The following DUSP15 variants were observed in gnomAD, a reference collection of about 807,000 sequenced individuals.
DUSP15 encodes dual specificity protein phosphatase 15.
In DUSP15, 23 loss-of-function variants were observed where a neutral mutation model predicts 26.3. That is an observed-to-expected ratio of 0.87 (90% CI 0.63 to 1.24). DUSP15 has a LOEUF of 1.24. Among genes scored for constraint, DUSP15 ranks in the 50% most tolerant of loss-of-function variants. The pLI is 0.00. For synonymous variants in DUSP15, 143 were observed against 135.5 expected (o/e 1.06, Z -0.39); for missense variants, 364 against 320.6 (o/e 1.14, Z -1.03).
chr20:31,868,138 A>AT (rs1158695904), intron 2 of DUSP15, among the ~76,000 whole-genome samples: 1 of 152,192 alleles, frequency 6.6e-6, no homozygotes, highest in Non-Finnish European at 1.5e-5. Flanking sequence ...CCACTTCCTC[A>AT]TTCGATGAGC....
chr20:31,845,634 G>A, downstream of DUSP15: 1 of 1,480,504 alleles, frequency 6.8e-7, no homozygotes, highest in Non-Finnish European at 9.1e-7. Flanking sequence ...CTGGTTAAAA[G>A]GTCCACTGGC....
At chr20:31,850,003 C>T in intron 7 of DUSP15, 1 of 1,099,864 alleles carries the variant, frequency 9.1e-7, no homozygotes, top group Non-Finnish European at 1.2e-6. Flanking sequence ...ATTTTGGGTG[C>T]TCTCTCCCTA....
At chr20:31,857,781 A>G (rs2062585361), downstream of DUSP15, among the ~76,000 whole-genome samples, 1 of 152,146 alleles carries the variant, frequency 6.6e-6, no homozygotes, top group South Asian at 2.1e-4. Context: ...ATGACTGGGG[A>G]AAGGAGGGAC....
chr20:31,848,576 G>A (rs757941049), intron 9 of DUSP15: 28 of 1,560,216 alleles, frequency 1.8e-5, no homozygotes, highest in African/African-American at 2.8e-5. Flanking sequence ...CTGCGGGGGC[G>A]GGTGGGGCGA....
upstream of DUSP15, chr20:31,870,639 G>A: frequency 7.6e-7 from 1 of 1,308,556 alleles, no homozygotes; most frequent in Non-Finnish European, 9.8e-7. The surrounding 1 kb of genome is among the most constrained non-coding windows in gnomAD (Gnocchi z 6.6). Flanking sequence ...GCCCCAGTGT[G>A]CCGGGCCCAC....
rs928045865 is a variant in DUSP15 at position 31,865,146 on chromosome 20, A to C, written c.139-144T>G. The C allele has an allele frequency of 7.0e-6, 6 of 859,808 alleles. No homozygotes were observed. The African/African-American group carries it at 1.0e-4, about 15-fold the overall frequency. The allele number at this position is 859,808 out of a possible 1,614,324, so 53.3% of individuals were successfully genotyped here. A position where few individuals can be genotyped will look rare whatever the true frequency, so the allele number is the denominator to read the frequency against. On this transcript the variant is annotated intron_variant, in intron 3 of 6. Transcript: ENST00000339738. Reference sequence around the variant, plus strand: ...GTGGTCCTCTCTGTCCAAAGAAAGTAGTTGTCATCTCTGAGGCCTCCCAGC... The same window carrying C: ...GTGGTCCTCTCTGTCCAAAGAAAGTCGTTGTCATCTCTGAGGCCTCCCAGC...
chr20:31,865,065 G>A lies in DUSP15; in HGVS notation c.139-63C>T, dbSNP rs553052605. 3.6e-5 allele frequency: 57 copies of A among 1,582,620 alleles called. No homozygotes were observed. The Middle Eastern group carries it at 1.2e-3, about 33-fold the overall frequency. On this transcript the variant is annotated intron_variant, in intron 3 of 6. Transcript: ENST00000339738. ...CTGCAACCCTCCCTGATGCTGGTCC[G>A]AGCTGCCCAGGCAGGGCATAACCCC...
At chr20:31,857,683 C>T (rs559391378), downstream of DUSP15, among the ~76,000 whole-genome samples, 26 of 152,338 alleles carry the variant, frequency 1.7e-4, no homozygotes, top group South Asian at 4.1e-3. Context: ...AATACCTTCG[C>T]CTCTTCACCT....
intron 2 of DUSP15, among the ~76,000 whole-genome samples, 171 bp downstream of exon 2, chr20:31,869,393 G>T (rs1490952701): frequency 6.6e-6 from 1 of 152,172 alleles, no homozygotes; most frequent in African/African-American, 2.4e-5. Context: ...GGGGACACTC[G>T]CCTGCATGTG....
intron 2 of DUSP15, 141 bp from the exon 3 acceptor site, chr20:31,867,294 C>T (rs2062789452): frequency 2.9e-6 from 2 of 699,442 alleles, no homozygotes; most frequent in African/African-American, 1.8e-5. Context: ...CTCCCTGATC[C>T]TCTTGCTTCT....
rs536210918 is a variant in DUSP15 at position 31,869,995 on chromosome 20, G to A, written c.21+322C>T. On this transcript the variant is annotated intron_variant, in intron 1 of 6. Transcript: ENST00000339738. ...TGGAGAAACAGCCCCGGAGAGAGCCGAGGAGTCAGCGACAAGGGAGAGGGA... is the reference window on the plus strand; with the variant it reads ...TGGAGAAACAGCCCCGGAGAGAGCCAAGGAGTCAGCGACAAGGGAGAGGGA... The A allele has an allele frequency of 7.5e-6, 10 of 1,335,254 alleles. No individual in the cohort carries two copies. In the South Asian group the frequency reaches 1.5e-4, roughly 19 times the overall value. The allele number at this position is 1,335,254 out of a possible 1,614,324, so 82.7% of individuals were successfully genotyped here. A position where few individuals can be genotyped will look rare whatever the true frequency, so the allele number is the denominator to read the frequency against.
intron 2 of DUSP15, among the ~76,000 whole-genome samples, chr20:31,867,480 A>C (rs1219522550): frequency 2.0e-5 from 3 of 152,332 alleles, no homozygotes; most frequent in South Asian, 4.1e-4. Flanking sequence ...TGTTCTCTGC[A>C]GTCCTGCTTA....
At chr20:31,845,644 C>T (rs1162168466), downstream of DUSP15, 1 of 1,381,586 alleles carries the variant, frequency 7.2e-7, no homozygotes, top group Non-Finnish European at 9.8e-7. Flanking sequence ...GGTCCACTGG[C>T]CCAGCCTCCC....
intron 5 of DUSP15, among the ~76,000 whole-genome samples, chr20:31,863,085 GGA>G (rs1171704136): frequency 1.4e-5 from 2 of 137,998 alleles, no homozygotes; most frequent in Non-Finnish European, 3.2e-5. Flanking sequence ...TGGGGGGGGG[GGA>G]CAGACGTTGA....
At chr20:31,868,075 A>G (rs2062813577) in intron 2 of DUSP15, among the ~76,000 whole-genome samples, 1 of 152,222 alleles carries the variant, frequency 6.6e-6, no homozygotes, top group South Asian at 2.1e-4. Context: ...CTGCATACCC[A>G]GCATATGCAG....
chr20:31,856,064 A>G (rs1211579714), intron 6 of DUSP15, among the ~76,000 whole-genome samples: 1 of 152,140 alleles, frequency 6.6e-6, no homozygotes, highest in Non-Finnish European at 1.5e-5. Flanking sequence ...ACTGAACCCA[A>G]TTTGTAGTCT....
intron 7 of DUSP15, chr20:31,849,949 A>G (rs2062440304): frequency 7.1e-7 from 1 of 1,408,130 alleles, no homozygotes; most frequent in Non-Finnish European, 9.2e-7. Context: ...CCTCCCCTTC[A>G]AACTCTGCCG....
chr20:31,848,231 G>T (rs1275754214), exon 10 of DUSP15: 3 of 588,680 alleles, frequency 5.1e-6, no homozygotes, highest in African/African-American at 3.9e-5. Context: ...CAGCTGGGGG[G>T]CGGTGTGGCC....
chr20:31,870,184 A>G lies in DUSP15; in HGVS notation c.21+133T>C. ...CCCGACAGCCGCGGTCTCGAGTCAC[A>G]GGGACACGGAGATGCCGCCGCACGG... On this transcript the variant is annotated intron_variant, in intron 1 of 6. Transcript: ENST00000339738. The surrounding 1 kb of genome is among the most constrained non-coding windows in gnomAD (Gnocchi z 6.6). The G allele has an allele frequency of 8.2e-7, 1 of 1,225,038 alleles. No homozygotes were observed. The highest frequency in any genetic ancestry group is 1.0e-6 in the Non-Finnish European group (1 of 983,132). The allele number at this position is 1,225,038 out of a possible 1,614,324, so 75.9% of individuals were successfully genotyped here.
Sources: allele counts gnomAD v4.1 joint callset (sites outside exome capture counted in the v4.1 genomes callset), GRCh38; gene constraint gnomAD v4.1.1; non-coding constraint Gnocchi (gnomAD v3.1); transcripts MANE v1.5; gene names NCBI Gene and HGNC (gene_info 2026-07-23, HGNC 2026-07-21).